GRM1: variants seen among roughly 807,000 people sequenced by gnomAD.
GRM1 encodes the protein metabotropic glutamate receptor 1.
A neutral mutation model predicts 90.9 loss-of-function variants in GRM1; 33 were observed. That is an observed-to-expected ratio of 0.36 (90% CI 0.28 to 0.49). GRM1 has a LOEUF of 0.49. Ranked by LOEUF, GRM1 falls within the 20% of genes least tolerant of loss-of-function variation. GRM1 has a pLI of 0.99. For synonymous variants in GRM1, 700 were observed against 613.2 expected (o/e 1.14, Z -2.09); for missense variants, 1,190 against 1,534.3 (o/e 0.78, Z 3.75).
At chr6:146,049,722 C>T (rs1016687765) in intron 1 of GRM1, among the ~76,000 whole-genome samples, 4 of 151,696 alleles carry the variant, frequency 2.6e-5, no homozygotes, top group African/African-American at 9.7e-5. Flanking sequence ...TTGGTTCTGT[C>T]CCTCTAGAGA....
chr6:146,297,412 G>A (rs977273400), intron 2 of GRM1, among the ~76,000 whole-genome samples: 13 of 151,970 alleles, frequency 8.6e-5, no homozygotes, highest in East Asian at 3.9e-4. Flanking sequence ...CGCCTGCCTC[G>A]GTCTCCCAAA....
chr6:146,139,544 G>T (rs777623903), intron 1 of GRM1, among the ~76,000 whole-genome samples: 81 of 152,172 alleles, frequency 5.3e-4, no homozygotes, highest in Admixed American at 8.5e-4. Flanking sequence ...TTGGTGAATT[G>T]ACCACTTTAT....
chr6:146,429,138 G>A (rs927714375), intron 7 of GRM1, among the ~76,000 whole-genome samples: 2 of 152,012 alleles, frequency 1.3e-5, no homozygotes, highest in Admixed American at 6.5e-5. Flanking sequence ...TCTAATTTTA[G>A]CAAGCCAATG....
rs536348539 is a variant in GRM1, at chr6:146,064,712, A to T, written c.700+34495A>T. The stretch of plus-strand genomic sequence containing the variant: ...AGGTTGAGGCAGGAGAATCGCTTGA[A>T]CCCGAGAGGTGGAGCTTGCAGTGAG... On this transcript the variant is annotated intron_variant, in intron 1 of 7. Transcript: ENST00000282753. Among the ~76,000 whole-genome samples, 7 of 148,934 alleles carry T rather than the reference A, an allele frequency of 4.7e-5. No individual in the cohort carries two copies. In the South Asian group the frequency reaches 1.5e-3, roughly 32 times the overall value.
At chr6:146,073,161 C>T (rs543932790) in intron 1 of GRM1, among the ~76,000 whole-genome samples, 6 of 151,908 alleles carry the variant, frequency 3.9e-5, no homozygotes, top group South Asian at 2.1e-4. Context: ...CTTATTGGGA[C>T]GGGATATGTA....
chr6:146,181,904 A>C (rs13218303), intron 2 of GRM1, among the ~76,000 whole-genome samples: 1 of 152,026 alleles, frequency 6.6e-6, no homozygotes, highest in Non-Finnish European at 1.5e-5. Context: ...AGTTAATAAG[A>C]GCATACAAAA....
rs148700839 is a variant in GRM1 at position 146,388,961 on chromosome 6, G to T, written c.1729+1945G>T. Among the ~76,000 whole-genome samples, 56 of 152,174 alleles carry T rather than the reference G, an allele frequency of 3.7e-4. 1 individual carries two copies. The East Asian group carries it at 5.0e-3, about 14-fold the overall frequency. ...TTGTTTGTCACTGGATCTAATGAAT[G>T]CTCTCACTCTGCCATGGTTGCATGC... On this transcript the variant is annotated intron_variant, in intron 6 of 7. Transcript: ENST00000282753.
At chr6:146,061,211 A>G (rs1030174188) in intron 1 of GRM1, among the ~76,000 whole-genome samples, 2 of 152,138 alleles carry the variant, frequency 1.3e-5, no homozygotes, top group Non-Finnish European at 2.9e-5. Context: ...CTTATCATAG[A>G]TCATCATAAG....
At chr6:146,107,804 C>A (rs1195052133) in intron 1 of GRM1, among the ~76,000 whole-genome samples, 1 of 152,126 alleles carries the variant, frequency 6.6e-6, no homozygotes, top group Non-Finnish European at 1.5e-5. Flanking sequence ...ATCTGAGAGG[C>A]CACTTCCCTA....
intron 1 of GRM1, among the ~76,000 whole-genome samples, chr6:146,134,479 G>T (rs1006852463): frequency 6.6e-6 from 1 of 152,062 alleles, no homozygotes; most frequent in African/African-American, 2.4e-5. Flanking sequence ...CTCACAGTTC[G>T]GGGTGGCTTG....
At chr6:146,275,540 C>G (rs1224061068) in intron 2 of GRM1, among the ~76,000 whole-genome samples, 1 of 152,058 alleles carries the variant, frequency 6.6e-6, no homozygotes, top group African/African-American at 2.4e-5. Context: ...CTCTCTCCCC[C>G]TATCTCTTTC....
rs1015363262 is a variant in GRM1 at position 146,075,582 on chromosome 6, G to A, written c.700+45365G>A. Among the ~76,000 whole-genome samples, 8 of 152,148 alleles carry A rather than the reference G, an allele frequency of 5.3e-5. No homozygotes were observed. In the South Asian group the frequency reaches 1.0e-3, roughly 20 times the overall value. On this transcript the variant is annotated intron_variant, in intron 1 of 7. Transcript: ENST00000282753. ...TCTGCATAAAGGACTGAAAGTGAGT[G>A]TATTAGTTTCCTAGGGTTGCCATAA...
intron 2 of GRM1, among the ~76,000 whole-genome samples, chr6:146,175,178 A>G (rs1418914307): frequency 1.3e-5 from 2 of 152,242 alleles, no homozygotes; most frequent in Non-Finnish European, 2.9e-5. Context: ...GAGGCTGCCT[A>G]TTATGGTGGT....
intron 2 of GRM1, among the ~76,000 whole-genome samples, chr6:146,298,149 ACTT>A (rs1469680758): frequency 3.3e-5 from 5 of 151,730 alleles, no homozygotes; most frequent in African/African-American, 4.8e-5. Context: ...TAAACCCCTA[ACTT>A]CTTATTATTC....
chr6:146,104,435 G>T (rs572028373), intron 1 of GRM1, among the ~76,000 whole-genome samples: 1 of 151,094 alleles, frequency 6.6e-6, no homozygotes, highest in African/African-American at 2.4e-5. Context: ...GTGAGACTCC[G>T]TCTCAAAAAA....
At position 146,352,213 on chromosome 6, in the gene GRM1, T is replaced by C. The variant is rs748420530; in HGVS notation, c.1187-37T>C. 9.8e-5 allele frequency: 158 copies of C among 1,608,156 alleles called. 1 individual carries two copies. The Admixed American group carries it at 2.5e-3, about 25-fold the overall frequency. ...AAACCTGGGAGCCTAGTCTTTATCA[T>C]TGTGACCTTGGTAGTGATCTATTTT... On this transcript the variant is annotated intron_variant, in intron 3 of 7. Coordinates refer to ENST00000282753, the MANE Select transcript of GRM1 (RefSeq NM_001278064.2).
At chr6:146,343,143 G>C in intron 3 of GRM1, among the ~76,000 whole-genome samples, 1 of 151,934 alleles carries the variant, frequency 6.6e-6, no homozygotes. Flanking sequence ...ATGTCCCTAA[G>C]TTTGACTTTG....
chr6:146,409,664 A>G (rs1777488193), intron 7 of GRM1, among the ~76,000 whole-genome samples: 1 of 152,186 alleles, frequency 6.6e-6, no homozygotes, highest in Non-Finnish European at 1.5e-5. Flanking sequence ...CAGGACAACA[A>G]TAAAATATTA....
At chr6:146,319,275 G>A (rs774890957) in intron 3 of GRM1, among the ~76,000 whole-genome samples, 21 of 152,142 alleles carry the variant, frequency 1.4e-4, no homozygotes, top group Non-Finnish European at 2.5e-4. Flanking sequence ...TCAGATGGTT[G>A]TACATGTGTT....
Sources: allele counts gnomAD v4.1 joint callset (sites outside exome capture counted in the v4.1 genomes callset), GRCh38; gene constraint gnomAD v4.1.1; transcripts MANE v1.5; gene names NCBI Gene and HGNC (gene_info 2026-07-23, HGNC 2026-07-21).